The following MAPKAP1 variants were observed in gnomAD, a reference collection of about 807,000 sequenced individuals.
The protein encoded by MAPKAP1 is MAPK associated protein 1.
Under a neutral mutation model 65.7 loss-of-function variants are expected in MAPKAP1, and 20 were observed. The observed-to-expected ratio is 0.30, with a 90% CI of 0.21 to 0.44. The LOEUF is 0.44. Among genes scored for constraint, MAPKAP1 ranks in the 20% least tolerant of loss-of-function variants. MAPKAP1 has a pLI of 1.00. For missense variants in MAPKAP1, 423 were observed against 648.0 expected (o/e 0.65, Z 3.77); for synonymous variants, 222 against 244.3 (o/e 0.91, Z 0.85).
intron 4 of MAPKAP1, among the ~76,000 whole-genome samples, chr9:125,614,338 T>C (rs901242762): frequency 2.6e-5 from 4 of 152,204 alleles, no homozygotes; most frequent in Admixed American, 6.5e-5. Flanking sequence ...AATAATCATA[T>C]TAAAGCTAGG....
chr9:125,510,049 T>C (rs569994831), intron 7 of MAPKAP1, among the ~76,000 whole-genome samples: 1 of 152,242 alleles, frequency 6.6e-6, no homozygotes, highest in Non-Finnish European at 1.5e-5. Context: ...ATGCTTATTA[T>C]GTGCCAAGCA....
At chr9:125,553,791 C>T (rs897264331) in intron 6 of MAPKAP1, among the ~76,000 whole-genome samples, 1 of 152,020 alleles carries the variant, frequency 6.6e-6, no homozygotes. Flanking sequence ...AATCCCAGCA[C>T]TTTGGGAAGC....
chr9:125,684,969 G>C (rs554500099), intron 1 of MAPKAP1, among the ~76,000 whole-genome samples: 59 of 152,284 alleles, frequency 3.9e-4, no homozygotes, highest in African/African-American at 1.4e-3. Flanking sequence ...CACCGCACCC[G>C]GCTTGCTCCC....
chr9:125,680,012 C>G (rs1294747661), intron 1 of MAPKAP1, among the ~76,000 whole-genome samples: 6 of 152,110 alleles, frequency 3.9e-5, no homozygotes, highest in African/African-American at 1.4e-4. Context: ...TAATTTACCT[C>G]CCACACTATT....
intron 4 of MAPKAP1, among the ~76,000 whole-genome samples, chr9:125,622,359 T>C (rs1479453919): frequency 1.3e-5 from 2 of 152,244 alleles, no homozygotes; most frequent in African/African-American, 2.4e-5. Flanking sequence ...ATTTCTCTGA[T>C]TTGATCATTA....
chr9:125,577,104 A>G (rs1251867377), intron 5 of MAPKAP1, among the ~76,000 whole-genome samples: 2 of 142,298 alleles, frequency 1.4e-5, no homozygotes, highest in Non-Finnish European at 3.1e-5. Flanking sequence ...CATCCCATCT[A>G]GGAAGTGAGG....
chr9:125,494,132 C>T (rs1457376110), intron 8 of MAPKAP1, among the ~76,000 whole-genome samples: 1 of 152,164 alleles, frequency 6.6e-6, no homozygotes, highest in African/African-American at 2.4e-5. Flanking sequence ...AAAACTCTTC[C>T]TTAGCGCTCT....
At chr9:125,654,402 A>G (rs1282981968) in intron 4 of MAPKAP1, among the ~76,000 whole-genome samples, 1 of 152,208 alleles carries the variant, frequency 6.6e-6, no homozygotes, top group East Asian at 1.9e-4. Flanking sequence ...CTGCTTGGCC[A>G]TCAACCTTGA....
chr9:125,686,681 T>C (rs892592717), intron 1 of MAPKAP1, among the ~76,000 whole-genome samples: 1 of 152,242 alleles, frequency 6.6e-6, no homozygotes, highest in African/African-American at 2.4e-5. Context: ...ACCACACCTG[T>C]GCCATAATTC....
At chr9:125,693,618 CACAT>C (rs1280419592) in intron 1 of MAPKAP1, among the ~76,000 whole-genome samples, 1 of 150,050 alleles carries the variant, frequency 6.7e-6, no homozygotes, top group Non-Finnish European at 1.5e-5. Context: ...CATATATACA[CACAT>C]ATATACACAT....
chr9:125,487,083 A>G (rs1324185402), intron 8 of MAPKAP1, among the ~76,000 whole-genome samples: 2 of 152,206 alleles, frequency 1.3e-5, no homozygotes, highest in Non-Finnish European at 2.9e-5. Context: ...ATAAACATGT[A>G]CTGAACGAAT....
intron 4 of MAPKAP1, among the ~76,000 whole-genome samples, chr9:125,624,711 GC>G (rs1833042831): frequency 1.3e-5 from 1 of 76,336 alleles, no homozygotes; most frequent in Admixed American, 1.4e-4. Flanking sequence ...GAGCCCCTCT[GC>G]CCGGCCACCA....
chr9:125,465,103 C>G (rs1280869403), intron 10 of MAPKAP1, among the ~76,000 whole-genome samples: 3 of 152,212 alleles, frequency 2.0e-5, no homozygotes, highest in African/African-American at 7.2e-5. Flanking sequence ...GTCACACGTT[C>G]CGGTCTTCGG....
chr9:125,472,086 A>C (rs1169916682), intron 9 of MAPKAP1, among the ~76,000 whole-genome samples: 2 of 152,238 alleles, frequency 1.3e-5, no homozygotes, highest in East Asian at 1.9e-4. Flanking sequence ...CCCAGCTCAG[A>C]AGTGGCAAAG....
chr9:125,451,643 G>A (rs1418566367), intron 10 of MAPKAP1, among the ~76,000 whole-genome samples: 1 of 151,982 alleles, frequency 6.6e-6, no homozygotes, highest in Non-Finnish European at 1.5e-5. Context: ...GCTTCACCAC[G>A]CACCAAGTAC....
At chr9:125,505,685 G>C (rs561454186) in intron 8 of MAPKAP1, among the ~76,000 whole-genome samples, 23 of 152,336 alleles carry the variant, frequency 1.5e-4, no homozygotes, top group African/African-American at 4.1e-4. Context: ...AATGGGGGAA[G>C]GAGCATTCCA....
At chr9:125,612,891 G>A (rs1486968381) in intron 4 of MAPKAP1, among the ~76,000 whole-genome samples, 2 of 152,214 alleles carry the variant, frequency 1.3e-5, no homozygotes. Flanking sequence ...CATCTAGCCA[G>A]TAAATCCATT....
chr9:125,487,311 GT>G (rs751586534), intron 8 of MAPKAP1, among the ~76,000 whole-genome samples: 18 of 144,854 alleles, frequency 1.2e-4, no homozygotes, highest in Non-Finnish European at 9.1e-5. Context: ...AGGATTTGGA[GT>G]TTCAAATAAT....
chr9:125,579,478 A>C (rs1401123856), intron 5 of MAPKAP1, among the ~76,000 whole-genome samples: 1 of 152,186 alleles, frequency 6.6e-6, no homozygotes, highest in African/African-American at 2.4e-5. Context: ...TATTTTGTAG[A>C]GATGGGGTTT....
Sources: gnomAD v4.1 joint callset for allele counts (sites outside exome capture counted in the v4.1 genomes callset) on GRCh38, gnomAD v4.1.1 for gene constraint, MANE v1.5 for transcripts, NCBI Gene and HGNC (gene_info 2026-07-23, HGNC 2026-07-21) for gene names.